Variants in DPP10 observed in about 807,000 individuals in gnomAD.
The protein encoded by DPP10 is dipeptidyl peptidase like 10.
DPP10 carries 33 observed loss-of-function variants against 120.9 expected under a neutral mutation model. The ratio of observed to expected loss-of-function variants is 0.27; its 90% CI spans 0.21 to 0.37. The LOEUF is 0.37. Among genes scored for constraint, DPP10 ranks in the 10% least tolerant of loss-of-function variants. The pLI is 1.00. For missense variants in DPP10, 816 were observed against 942.8 expected, an observed-to-expected ratio of 0.87 and a Z score of 1.76; for synonymous variants, 337 against 326.1, an observed-to-expected ratio of 1.03 and a Z score of -0.36.
At chr2:114,957,079 A>C (rs556252689) in intron 1 of DPP10, among the ~76,000 whole-genome samples, 1 of 151,990 alleles carries the variant, frequency 6.6e-6, no homozygotes, top group South Asian at 2.1e-4. Flanking sequence ...AAATAAACAA[A>C]TAAGAATACG....
chr2:114,566,034 C>G (rs1689174678), intron 1 of DPP10, among the ~76,000 whole-genome samples: 1 of 152,100 alleles, frequency 6.6e-6, no homozygotes, highest in Non-Finnish European at 1.5e-5. Flanking sequence ...ATAATTCAGA[C>G]ATATGAGAAA....
At chr2:115,561,410 C>T (rs1322098345) in intron 5 of DPP10, among the ~76,000 whole-genome samples, 2 of 144,920 alleles carry the variant, frequency 1.4e-5, no homozygotes, top group Non-Finnish European at 3.0e-5. Flanking sequence ...GAAAGACTGA[C>T]CCATTGCGGT....
intron 1 of DPP10, among the ~76,000 whole-genome samples, chr2:115,097,975 G>A (rs941152363): frequency 1.3e-5 from 2 of 152,162 alleles, no homozygotes; most frequent in African/African-American, 4.8e-5. Flanking sequence ...TGGGGTGAAG[G>A]AACCTGGACT....
At chr2:114,904,889 G>C (rs1244958356) in intron 1 of DPP10, among the ~76,000 whole-genome samples, 1 of 152,146 alleles carries the variant, frequency 6.6e-6, no homozygotes, top group Non-Finnish European at 1.5e-5. Flanking sequence ...CGCTAGCAGA[G>C]CCTTGGCAGC....
At chr2:115,454,298 C>T (rs1361172887) in intron 3 of DPP10, among the ~76,000 whole-genome samples, 2 of 151,566 alleles carry the variant, frequency 1.3e-5, no homozygotes, top group African/African-American at 4.8e-5. Flanking sequence ...AAACTACAGA[C>T]TAATATTTTT....
chr2:115,445,117 C>T (rs1408527560), intron 3 of DPP10, among the ~76,000 whole-genome samples: 1 of 152,192 alleles, frequency 6.6e-6, no homozygotes, highest in East Asian at 1.9e-4. Context: ...GAAGAAGGTA[C>T]TTGCTTCTCC....
intron 13 of DPP10, among the ~76,000 whole-genome samples, chr2:115,773,823 G>T (rs1681762890): frequency 6.6e-6 from 1 of 151,990 alleles, no homozygotes; most frequent in East Asian, 1.9e-4. Flanking sequence ...ATTCTGATTG[G>T]TATTAAGATT....
chr2:115,333,309 A>C (rs1054270039), intron 2 of DPP10, among the ~76,000 whole-genome samples: 1 of 151,960 alleles, frequency 6.6e-6, no homozygotes. Flanking sequence ...TTTTGAGCCT[A>C]TGTGTGTCTC....
intron 1 of DPP10, among the ~76,000 whole-genome samples, chr2:115,038,356 C>T (rs570949650): frequency 2.2e-4 from 34 of 151,972 alleles, no homozygotes; most frequent in African/African-American, 4.6e-4. Context: ...TTGCAAGCTC[C>T]GCCTCCCGGG....
intron 1 of DPP10, among the ~76,000 whole-genome samples, chr2:115,203,078 A>G (rs528999249): frequency 2.2e-4 from 33 of 152,348 alleles, no homozygotes; most frequent in South Asian, 8.3e-4. Flanking sequence ...TCAGCTCTCT[A>G]TGGTAACTAA....
At chr2:114,653,027 A>AGAGAGAGTGTGTGT (rs1553476958) in intron 1 of DPP10, among the ~76,000 whole-genome samples, 1 of 135,774 alleles carries the variant, frequency 7.4e-6, no homozygotes, top group African/African-American at 3.1e-5. Flanking sequence ...AGAGAGAGAG[A>AGAGAGAGTGTGTGT]GTGTGTGTGT....
intron 5 of DPP10, among the ~76,000 whole-genome samples, chr2:115,680,844 A>C (rs1289190052): frequency 6.6e-6 from 1 of 151,964 alleles, no homozygotes; most frequent in Non-Finnish European, 1.5e-5. Flanking sequence ...GAGCTTTTAG[A>C]GATCAATAAG....
At chr2:115,453,743 G>T (rs528239734) in intron 3 of DPP10, among the ~76,000 whole-genome samples, 1 of 151,226 alleles carries the variant, frequency 6.6e-6, no homozygotes, top group Non-Finnish European at 1.5e-5. Context: ...CAACAGAAAA[G>T]CAAAGTTATT....
At chr2:115,382,902 A>G (rs2066524232) in intron 3 of DPP10, among the ~76,000 whole-genome samples, 1 of 152,194 alleles carries the variant, frequency 6.6e-6, no homozygotes, top group African/African-American at 2.4e-5. Flanking sequence ...GCAGGAGGGA[A>G]GTCAGAGAAC....
At chr2:114,757,992 T>C (rs1479131465) in intron 1 of DPP10, among the ~76,000 whole-genome samples, 1 of 152,156 alleles carries the variant, frequency 6.6e-6, no homozygotes, top group Non-Finnish European at 1.5e-5. Flanking sequence ...TTGAATAAGC[T>C]GGTCTTGCAA....
chr2:115,635,224 G>A (rs2086228307), intron 5 of DPP10, among the ~76,000 whole-genome samples: 1 of 152,114 alleles, frequency 6.6e-6, no homozygotes, highest in Non-Finnish European at 1.5e-5. Flanking sequence ...AGTGATGATG[G>A]CCACCCCTCC....
intron 1 of DPP10, among the ~76,000 whole-genome samples, chr2:114,532,936 A>T (rs920695029): frequency 6.6e-6 from 1 of 152,128 alleles, no homozygotes; most frequent in African/African-American, 2.4e-5. Context: ...TTCCCTACCT[A>T]CAGCTCTCAG....
chr2:114,998,427 G>T (rs921053407), intron 1 of DPP10, among the ~76,000 whole-genome samples: 1 of 152,106 alleles, frequency 6.6e-6, no homozygotes, highest in African/African-American at 2.4e-5. Context: ...TAGGCAGTAT[G>T]CATTTAGTTG....
chr2:114,868,266 A>G (rs1026697781), intron 1 of DPP10, among the ~76,000 whole-genome samples: 4 of 152,152 alleles, frequency 2.6e-5, no homozygotes, highest in African/African-American at 9.7e-5. Flanking sequence ...TTAAACAGAC[A>G]TTGCCAGTAC....
Sources: gnomAD v4.1 joint callset for allele counts (sites outside exome capture counted in the v4.1 genomes callset) on GRCh38, gnomAD v4.1.1 for gene constraint, MANE v1.5 for transcripts, NCBI Gene and HGNC (gene_info 2026-07-23, HGNC 2026-07-21) for gene names.